The following YIPF1 variants were observed in gnomAD, a reference collection of about 807,000 sequenced individuals.
YIPF1 encodes the protein protein YIPF1.
A neutral mutation model predicts 37.0 loss-of-function variants in YIPF1; 22 were observed. That is an observed-to-expected ratio of 0.59 (90% CI 0.42 to 0.85). YIPF1 has a LOEUF of 0.85. Among genes scored for constraint, YIPF1 ranks in the 40% least tolerant of loss-of-function variants. The probability of loss-of-function intolerance (pLI) is 0.00; values close to 1 mark genes in which losing one functional copy is unlikely to be tolerated. For missense variants in YIPF1, 355 were observed against 373.1 expected, an observed-to-expected ratio of 0.95 and a Z score of 0.40; for synonymous variants, 128 against 131.9, an observed-to-expected ratio of 0.97 and a Z score of 0.21.
At position 53,889,324 on chromosome 1, in the gene YIPF1, G is replaced by A. The variant is rs1650741184; in HGVS notation, c.-130C>T. ...AGGCTGAGGTTTGAAAGAGGTGATG[G>A]GGACAGTGAAGAACAAAGGCAGTTC... On this transcript the variant is annotated 5_prime_UTR_variant, in exon 2 of 11. Transcript: ENST00000072644. 1.1e-5 allele frequency: 2 copies of A among 177,506 alleles called. No homozygotes were observed. The highest frequency in any genetic ancestry group is 2.5e-4 in the South Asian group (2 of 7,966). The allele number at this position is 177,506 out of a possible 1,614,324, so 11.0% of individuals were successfully genotyped here. A position where few individuals can be genotyped will look rare whatever the true frequency, so the allele number is the denominator to read the frequency against.
intron 7 of YIPF1, among the ~76,000 whole-genome samples, chr1:53,869,513 A>G (rs1447321890): frequency 6.6e-6 from 1 of 152,178 alleles, no homozygotes; most frequent in Non-Finnish European, 1.5e-5. Context: ...AGCTTGCCCA[A>G]CAGAGTAGAA....
In YIPF1 at chr1:53,860,164, A is replaced by G; in HGVS notation, c.832-11T>C. The G allele has an allele frequency of 1.2e-6, 2 of 1,613,926 alleles. No homozygotes were observed. Among genetic ancestry groups the G allele is most frequent in the Non-Finnish European group, 1.7e-6 (2 of 1,179,864 alleles). ...ATCAAAAAAGTATGCCTGTGGGGAA[A>G]AAAAGACCCAGGAGGGAGTTAAAAA... On this transcript the variant is annotated splice_polypyrimidine_tract_variant and intron_variant, in intron 9 of 10. Coordinates refer to ENST00000072644, the MANE Select transcript of YIPF1 (RefSeq NM_018982.5).
intron 4 of YIPF1, 64 bp from the exon 5 acceptor site, chr1:53,878,786 G>A: frequency 1.4e-6 from 2 of 1,466,346 alleles, no homozygotes; most frequent in South Asian, 1.3e-5. Context: ...GCTGCGTGGG[G>A]TGCAGGAGGG....
At chr1:53,875,415 T>TG (rs1650309645) in intron 6 of YIPF1, among the ~76,000 whole-genome samples, 1 of 152,074 alleles carries the variant, frequency 6.6e-6, no homozygotes, top group African/African-American at 2.4e-5. Context: ...CTCATGAAGA[T>TG]GAGGTGGGGG....
intron 4 of YIPF1, among the ~76,000 whole-genome samples, chr1:53,880,993 G>C (rs550637851): frequency 2.6e-5 from 4 of 151,956 alleles, no homozygotes. Context: ...AGCTGGGCGC[G>C]GTGGCTCATG....
At chr1:53,869,955 C>T (rs571087480) in intron 7 of YIPF1, among the ~76,000 whole-genome samples, 27 of 145,350 alleles carry the variant, frequency 1.9e-4, no homozygotes, top group African/African-American at 6.7e-4. Context: ...TCACTGCAAC[C>T]TCCGCCTCCT....
chr1:53,866,657 G>T, intron 8 of YIPF1, 101 bp downstream of exon 8: 1 of 1,393,218 alleles, frequency 7.2e-7, no homozygotes, highest in Non-Finnish European at 9.7e-7. Flanking sequence ...AAGAACATGA[G>T]TATTGCGCTG....
At chr1:53,881,728 C>T (rs561430478) in intron 4 of YIPF1, among the ~76,000 whole-genome samples, 48 of 152,180 alleles carry the variant, frequency 3.2e-4, no homozygotes, top group African/African-American at 9.9e-4. Flanking sequence ...AGTGAAGTTG[C>T]GGAGAAAAAG....
intron 7 of YIPF1, among the ~76,000 whole-genome samples, chr1:53,870,721 GCTGT>G (rs1370599058): frequency 1.3e-5 from 2 of 152,052 alleles, no homozygotes; most frequent in Non-Finnish European, 1.5e-5. Flanking sequence ...ATATATTCCA[GCTGT>G]GGCCAGGTGT....
chr1:53,875,541 G>A (rs1303366784), intron 6 of YIPF1, among the ~76,000 whole-genome samples: 3 of 152,068 alleles, frequency 2.0e-5, no homozygotes, highest in South Asian at 2.1e-4. Flanking sequence ...TATGTTACTC[G>A]TCTGTCCAAA....
At chr1:53,873,688 CAA>C (rs1216285176) in intron 6 of YIPF1, among the ~76,000 whole-genome samples, 4 of 102,950 alleles carry the variant, frequency 3.9e-5, no homozygotes, top group African/African-American at 3.7e-5. Flanking sequence ...GACCTCATCT[CAA>C]AAAAAAAAAA....
At chr1:53,863,316 G>A (rs1402274499) in intron 9 of YIPF1, among the ~76,000 whole-genome samples, 3 of 152,178 alleles carry the variant, frequency 2.0e-5, no homozygotes, top group African/African-American at 4.8e-5. Context: ...GCTTTGGCCC[G>A]GGTACCAGCT....
At chr1:53,855,646 A>G (rs1174573750) in intron 10 of YIPF1, among the ~76,000 whole-genome samples, 4 of 152,216 alleles carry the variant, frequency 2.6e-5, no homozygotes, top group African/African-American at 9.6e-5. Flanking sequence ...TGCCTGCTGT[A>G]TTCAGTATAG....
intron 4 of YIPF1, among the ~76,000 whole-genome samples, chr1:53,880,008 C>G (rs1329871022): frequency 6.6e-6 from 1 of 152,106 alleles, no homozygotes; most frequent in Non-Finnish European, 1.5e-5. Context: ...TCTTATCACT[C>G]CTATTCAATA....
Position 53,877,821 on chromosome 1 carries a change from A to C in YIPF1, c.364+494T>G, listed in dbSNP as rs192279477. On this transcript the variant is annotated intron_variant, in intron 6 of 10. Transcript: ENST00000072644. ...AGAATTTTTAAAAATCATTCTTTTTATTTTTATTTTTTAGTAGAGATAGGG... is the reference window on the plus strand; with the variant it reads ...AGAATTTTTAAAAATCATTCTTTTTCTTTTTATTTTTTAGTAGAGATAGGG... Among the ~76,000 whole-genome samples, 815 of 152,274 alleles carry C rather than the reference A, an allele frequency of 5.4e-3. 4 individuals are homozygous for C. Among genetic ancestry groups the C allele is most frequent in the Non-Finnish European group, 7.4e-3 (504 of 68,018 alleles).
chr1:53,878,431 T>A, intron 5 of YIPF1, 29 bp from the exon 6 acceptor site: 3 of 1,606,402 alleles, frequency 1.9e-6, no homozygotes, highest in Non-Finnish European at 2.5e-6. Flanking sequence ...GTAATTCTAC[T>A]GAAGTTTTTT....
chr1:53,864,980 C>T (rs928500467), intron 9 of YIPF1, among the ~76,000 whole-genome samples: 1 of 152,206 alleles, frequency 6.6e-6, no homozygotes, highest in African/African-American at 2.4e-5. Context: ...CAAGTTCACA[C>T]AGCCAATGAG....
intron 6 of YIPF1, among the ~76,000 whole-genome samples, chr1:53,874,469 T>C (rs1650283144): frequency 2.0e-5 from 3 of 152,128 alleles, no homozygotes; most frequent in Admixed American, 6.6e-5. Flanking sequence ...CATGTCACTT[T>C]TAAAAAATAT....
chr1:53,875,523 CA>C (rs931058292), intron 6 of YIPF1, among the ~76,000 whole-genome samples: 11 of 152,026 alleles, frequency 7.2e-5, no homozygotes, highest in African/African-American at 2.7e-4. Flanking sequence ...TCTCAAAAAA[CA>C]AAAAAGTATG....
Sources: gnomAD v4.1 joint callset for allele counts (sites outside exome capture counted in the v4.1 genomes callset) on GRCh38, gnomAD v4.1.1 for gene constraint, MANE v1.5 for transcripts, NCBI Gene and HGNC (gene_info 2026-07-23, HGNC 2026-07-21) for gene names.